The following PCDHA3 variants were observed in gnomAD, a reference collection of about 807,000 sequenced individuals.
PCDHA3 encodes protocadherin alpha-3.
Under a neutral mutation model 62.2 loss-of-function variants are expected in PCDHA3, and 41 were observed. That is an observed-to-expected ratio of 0.66 (90% confidence interval 0.51 to 0.86). The LOEUF is 0.86. Ranked by LOEUF, PCDHA3 falls within the 40% of genes least tolerant of loss-of-function variation. PCDHA3 has a pLI of 0.00. For synonymous variants in PCDHA3, 640 were observed against 555.4 expected (o/e 1.15, Z -2.14); for missense variants, 1,304 against 1,241.2 (o/e 1.05, Z -0.76).
chr5:140,997,221 T>C (rs2097763900), intron 3 of PCDHA3, among the ~76,000 whole-genome samples: 1 of 152,152 alleles, frequency 6.6e-6, no homozygotes, highest in Admixed American at 6.5e-5. Context: ...GAAACTATCA[T>C]TACCACCCAA....
intron 1 of PCDHA3, among the ~76,000 whole-genome samples, chr5:140,854,986 T>C (rs1266471979): frequency 2.0e-5 from 3 of 149,894 alleles, no homozygotes; most frequent in African/African-American, 7.3e-5. Context: ...TTAAGATTCT[T>C]TTTGCCCGTG....
intron 1 of PCDHA3, among the ~76,000 whole-genome samples, chr5:140,956,777 G>A (rs1470027067): frequency 6.6e-6 from 1 of 152,022 alleles, no homozygotes; most frequent in Admixed American, 6.6e-5. Context: ...GTCTGGTCCT[G>A]GGCTTTGTTT....
intron 1 of PCDHA3, among the ~76,000 whole-genome samples, chr5:140,950,427 C>T (rs393858): frequency 0.56 from 85,078 of 151,138 alleles, 24,477 homozygotes; most frequent in African/African-American, 0.69. Flanking sequence ...TTTTCTTCCA[C>T]TTAAAAAAAA....
intron 3 of PCDHA3, among the ~76,000 whole-genome samples, chr5:141,007,112 G>A (rs1554261059): frequency 6.6e-6 from 1 of 152,170 alleles, no homozygotes; most frequent in African/African-American, 2.4e-5. Flanking sequence ...ACCCAAGGAA[G>A]CTTCAACACA....
intron 1 of PCDHA3, among the ~76,000 whole-genome samples, chr5:140,899,376 A>G (rs2153463773): frequency 6.6e-6 from 1 of 152,262 alleles, no homozygotes; most frequent in South Asian, 2.1e-4. Flanking sequence ...TCAATACCTA[A>G]TTTATTGAGA....
intron 1 of PCDHA3, among the ~76,000 whole-genome samples, chr5:140,924,901 A>AAAAAAAATAAAT (rs369245222): frequency 1.2e-5 from 1 of 80,456 alleles, no homozygotes; most frequent in Non-Finnish European, 2.7e-5. Flanking sequence ...TCTCAAAAAA[A>AAAAAAAATAAAT]AAAATAAAAT....
At chr5:140,834,573 T>C (rs1773106478) in intron 1 of PCDHA3, 1 of 1,614,010 alleles carries the variant, frequency 6.2e-7, no homozygotes, top group South Asian at 1.1e-5. Context: ...GCCGCGCCTG[T>C]TCCGGGCGGT....
chr5:140,967,146 A>C, intron 1 of PCDHA3: 1 of 1,610,972 alleles, frequency 6.2e-7, no homozygotes, highest in Non-Finnish European at 8.5e-7. Flanking sequence ...CTGGCGCACA[A>C]CCCCGTGGCG....
rs1023415818 is a variant in PCDHA3 at position 140,856,852 on chromosome 5, G to A, written c.2394+53261G>A. The stretch of plus-strand genomic sequence containing the variant: ...TAATACGGCTCAACGCTTCTGATTC[G>A]GATGAAGGAATAAACAAGGAAATGA... On this transcript the variant is annotated intron_variant, in intron 1 of 3. Coordinates refer to ENST00000522353, the MANE Select transcript of PCDHA3 (RefSeq NM_018906.3). 5.6e-6 allele frequency: 9 copies of A among 1,593,530 alleles called. No homozygotes were observed. In the African/African-American group the frequency reaches 8.1e-5, roughly 14 times the overall value.
intron 1 of PCDHA3, chr5:140,830,251 GCTGCGGTGCTCGGCGCCAC>G (rs2150183529): frequency 6.0e-5 from 97 of 1,613,774 alleles, no homozygotes; most frequent in Middle Eastern, 1.6e-4. Context: ...TGTACACAGC[GCTGCGGTGCTCGGCGCCAC>G]CCACCGAGGG....
chr5:140,858,566 G>A (rs2045486949), intron 1 of PCDHA3: 1 of 1,375,796 alleles, frequency 7.3e-7, no homozygotes, highest in African/African-American at 1.4e-5. Context: ...TATTTCTAGT[G>A]ATACCTTTGT....
intron 3 of PCDHA3, among the ~76,000 whole-genome samples, chr5:140,992,328 A>G (rs2097505285): frequency 6.6e-6 from 1 of 152,150 alleles, no homozygotes; most frequent in South Asian, 2.1e-4. Flanking sequence ...CTTTTCTAAG[A>G]GCAAAGATGG....
At chr5:140,886,501 T>C (rs1171128056) in intron 1 of PCDHA3, among the ~76,000 whole-genome samples, 1 of 152,108 alleles carries the variant, frequency 6.6e-6, no homozygotes, top group Non-Finnish European at 1.5e-5. Flanking sequence ...TCTTTTTCCT[T>C]TTATGGATTT....
rs1322462286 is a variant in PCDHA3, at chr5:140,806,943, AGT to A, written c.2394+3358_2394+3359del. The A allele has an allele frequency of 7.0e-6, 4 of 570,470 alleles. No homozygotes were observed. The Admixed American group carries it at 9.6e-5, about 14-fold the overall frequency. The allele number at this position is 570,470 out of a possible 1,614,324, so 35.3% of individuals were successfully genotyped here. ...AATAAAACCAAGTAGTTTACAGTAG[AGT>A]GTGTGGGGGTTTCCACAATTGCTAC... On this transcript the variant is annotated intron_variant, in intron 1 of 3. Transcript: ENST00000522353.
rs370299841 is a variant in PCDHA3, at chr5:140,841,414, C to T, written c.2394+37823C>T. 3 of 1,612,904 alleles carry T rather than the reference C, an allele frequency of 1.9e-6. 1 individual carries two copies. In the African/African-American group the frequency reaches 4.0e-5, roughly 22 times the overall value. ...CCTGGAAGGTGGGGAGCGGCCAGCT[C>T]CACTACTCCGTCCCCGAGGAGGCCA... On this transcript the variant is annotated intron_variant, in intron 1 of 3. Transcript: ENST00000522353.
intron 1 of PCDHA3, chr5:140,883,569 C>A (rs781786717): frequency 1.9e-6 from 3 of 1,614,134 alleles, no homozygotes; most frequent in South Asian, 2.2e-5. Flanking sequence ...GGCTCGCCTT[C>A]GCTGTGGGCC....
At chr5:140,875,636 A>G (rs574545388) in intron 1 of PCDHA3, 3 of 1,613,606 alleles carry the variant, frequency 1.9e-6, no homozygotes, top group African/African-American at 1.3e-5. Context: ...CTGGGGCTGG[A>G]GCTGGCGGAG....
intron 1 of PCDHA3, chr5:140,807,806 G>A (rs1554124286): frequency 6.2e-7 from 1 of 1,614,160 alleles, no homozygotes; most frequent in South Asian, 1.1e-5. Context: ...AGAAGCTCCG[G>A]AGATTTTTTT....
intron 1 of PCDHA3, among the ~76,000 whole-genome samples, chr5:140,846,420 G>A (rs1780468336): frequency 7.9e-6 from 1 of 125,998 alleles, no homozygotes; most frequent in African/African-American, 3.0e-5. Context: ...TATCTCCCAG[G>A]CTGGAATGCA....
Sources: gnomAD v4.1 joint callset for allele counts (sites outside exome capture counted in the v4.1 genomes callset) on GRCh38, gnomAD v4.1.1 for gene constraint, MANE v1.5 for transcripts, NCBI Gene and HGNC (gene_info 2026-07-23, HGNC 2026-07-21) for gene names.